The following CEP85 variants were observed in gnomAD, a reference collection of about 807,000 sequenced individuals.
The protein encoded by CEP85 is centrosomal protein 85, also known as centrosomal protein of 85 kDa.
A neutral mutation model predicts 93.7 loss-of-function variants in CEP85; 58 were observed. The ratio of observed to expected loss-of-function variants is 0.62; its 90% confidence interval spans 0.50 to 0.77. The LOEUF is 0.77. Ranked by LOEUF, CEP85 falls within the 30% of genes least tolerant of loss-of-function variation. The pLI, the probability that CEP85 is intolerant of heterozygous loss-of-function variation, is 0.00. For synonymous variants in CEP85, 314 were observed against 338.6 expected, an observed-to-expected ratio of 0.93 and a Z score of 0.80; for missense variants, 868 against 922.0, an observed-to-expected ratio of 0.94 and a Z score of 0.76.
At chr1:26,234,649 G>A (rs190706427) in intron 1 of CEP85, among the ~76,000 whole-genome samples, 3 of 152,234 alleles carry the variant, frequency 2.0e-5, no homozygotes, top group African/African-American at 7.2e-5. Context: ...GTTAAGCGGG[G>A]TAATCCCTCG....
intron 8 of CEP85, among the ~76,000 whole-genome samples, chr1:26,269,034 C>T (rs2089933612): frequency 6.6e-6 from 1 of 152,186 alleles, no homozygotes; most frequent in Non-Finnish European, 1.5e-5. Context: ...TCATCCCGGT[C>T]ACCTGCTTTG....
chr1:26,260,501 G>GAA (rs34728249), intron 7 of CEP85, among the ~76,000 whole-genome samples: 32 of 143,262 alleles, frequency 2.2e-4, no homozygotes, highest in South Asian at 6.6e-4. Flanking sequence ...TCCGTCTCAG[G>GAA]AAAAAAAAAA....
chr1:26,244,099 A>T, intron 2 of CEP85, 67 bp from the exon 3 acceptor site: 2 of 1,460,704 alleles, frequency 1.4e-6, no homozygotes, highest in Non-Finnish European at 9.3e-7. Context: ...GTGATTTTTT[A>T]AAAAAAGATC....
chr1:26,276,480 A>G, intron 12 of CEP85, 55 bp from the exon 13 acceptor site: 1 of 1,393,584 alleles, frequency 7.2e-7, no homozygotes, highest in Non-Finnish European at 1.0e-6. Flanking sequence ...TCATGCACAG[A>G]TACTCTTCCT....
intron 13 of CEP85, 132 bp downstream of exon 13, chr1:26,276,892 A>T (rs1280989649): frequency 1.2e-6 from 1 of 833,584 alleles, no homozygotes; most frequent in African/African-American, 1.7e-5. Context: ...CCCTCTGGAC[A>T]TTTATTTGTT....
At chr1:26,247,309 T>TA (rs1272950290) in intron 3 of CEP85, among the ~76,000 whole-genome samples, 1 of 152,186 alleles carries the variant, frequency 6.6e-6, no homozygotes, top group Non-Finnish European at 1.5e-5. Context: ...ATTAATATAC[T>TA]AAAACCCATT....
intron 7 of CEP85, among the ~76,000 whole-genome samples, chr1:26,265,302 A>G (rs1427760677): frequency 2.0e-5 from 3 of 151,894 alleles, no homozygotes; most frequent in African/African-American, 7.3e-5. Context: ...TATTTTTTAT[A>G]GAGATAGAGT....
chr1:26,239,843 G>A lies in CEP85; in HGVS notation c.55+5G>A. On this transcript the variant is annotated splice_donor_5th_base_variant and intron_variant, in intron 2 of 13. Coordinates refer to ENST00000451429, the MANE Select transcript of CEP85 (RefSeq NM_001319944.2). ...TCTCTCACGTCACTTCACCGAGTGA[G>A]TAGTCAGAAGTTTTCTGGGTTAAAT... The A allele has an allele frequency of 6.2e-7, 1 of 1,608,126 alleles. No homozygotes were observed. Among genetic ancestry groups the A allele is most frequent in the Non-Finnish European group, 8.5e-7 (1 of 1,174,556 alleles).
chr1:26,257,552 T>C (rs1354005693), intron 4 of CEP85, 45 bp from the exon 5 acceptor site: 1 of 1,609,102 alleles, frequency 6.2e-7, no homozygotes, highest in Non-Finnish European at 8.5e-7. Flanking sequence ...TTTTCAGGCG[T>C]GTATGGGTCA....
In CEP85 at chr1:26,274,433, A is replaced by T. The variant is rs537379551; in HGVS notation, c.1795-531A>T. On this transcript the variant is annotated intron_variant, in intron 11 of 13. Transcript: ENST00000451429. ...AAGTTATGTTTGAGTGGAGCGAAGG[A>T]TCATGTGCATAGCCAACTAGAATAT... Among the ~76,000 whole-genome samples, 3 of 152,346 alleles carry T rather than the reference A, an allele frequency of 2.0e-5. No homozygotes were observed. In the East Asian group the frequency reaches 5.8e-4, roughly 29 times the overall value.
intron 6 of CEP85, among the ~76,000 whole-genome samples, chr1:26,258,719 C>T (rs1266836484): frequency 3.3e-5 from 5 of 152,048 alleles, no homozygotes; most frequent in Non-Finnish European, 5.9e-5. Context: ...GCCTCAGCCT[C>T]CCAAGTAGCT....
At chr1:26,270,073 G>T (rs1279950613) in intron 9 of CEP85, among the ~76,000 whole-genome samples, 2 of 152,070 alleles carry the variant, frequency 1.3e-5, no homozygotes, top group African/African-American at 4.8e-5. Flanking sequence ...ACCGCGCCCG[G>T]CCAGGAAGCG....
chr1:26,260,501 G>GA (rs34728249), intron 7 of CEP85, among the ~76,000 whole-genome samples: 38,393 of 143,004 alleles, frequency 0.27, 5,394 homozygotes, highest in East Asian at 0.58. Flanking sequence ...TCCGTCTCAG[G>GA]AAAAAAAAAA....
chr1:26,234,346 G>A (rs1338580179), intron 1 of CEP85, 36 bp downstream of exon 1: 1 of 152,274 alleles, frequency 6.6e-6, no homozygotes, highest in African/African-American at 2.4e-5. Context: ...CAGTCCTAGT[G>A]GCCGACCTTG....
At chr1:26,258,051 C>G in intron 5 of CEP85, 92 bp from the exon 6 acceptor site, 1 of 829,640 alleles carries the variant, frequency 1.2e-6, no homozygotes, top group Non-Finnish European at 2.0e-6. Context: ...AATCTAAGAT[C>G]TTGCTTACGT....
At chr1:26,251,769 C>T (rs1037653051) in intron 3 of CEP85, among the ~76,000 whole-genome samples, 1 of 152,078 alleles carries the variant, frequency 6.6e-6, no homozygotes, top group African/African-American at 2.4e-5. Context: ...TTTGGTGAAT[C>T]TAGAGAGAGT....
intron 7 of CEP85, chr1:26,263,334 A>G: frequency 3.4e-6 from 1 of 293,438 alleles, no homozygotes; most frequent in Non-Finnish European, 6.7e-6. Context: ...CATACTTTTC[A>G]AAGCAGCAGT....
Position 26,242,654 on chromosome 1 carries a change from T to TC in CEP85, c.56-1510dup, listed in dbSNP as rs373848956. On this transcript the variant is annotated intron_variant, in intron 2 of 13. Transcript: ENST00000451429. Reference sequence around the variant, plus strand: ...GAAGAAAGGAATAAAGTAATTTGTGTCCAAATTACTTTGGGCGTAATCATT... The same window carrying TC: ...GAAGAAAGGAATAAAGTAATTTGTGTCCCAAATTACTTTGGGCGTAATCATT... Among the ~76,000 whole-genome samples, 218 of 152,290 alleles carry TC rather than the reference T, an allele frequency of 1.4e-3. 1 individual carries two copies. Among genetic ancestry groups the TC allele is most frequent in the African/African-American group, 4.6e-3 (192 of 41,556 alleles).
chr1:26,259,477 C>T (rs2089772455), intron 6 of CEP85, 140 bp from the exon 7 acceptor site: 3 of 771,572 alleles, frequency 3.9e-6, no homozygotes, highest in Admixed American at 5.3e-5. Flanking sequence ...GCTGTTAACC[C>T]TAAGACCTAG....
Sources: allele counts gnomAD v4.1 joint callset (sites outside exome capture counted in the v4.1 genomes callset), GRCh38; gene constraint gnomAD v4.1.1; transcripts MANE v1.5; gene names NCBI Gene and HGNC (gene_info 2026-07-23, HGNC 2026-07-21).